The following PTPRT variants were observed in gnomAD, a reference collection of about 807,000 sequenced individuals.
The protein encoded by PTPRT is receptor-type tyrosine-protein phosphatase T.
In PTPRT, 56 loss-of-function variants were observed where a neutral mutation model predicts 176.8. The ratio of observed to expected loss-of-function variants is 0.32; its 90% confidence interval spans 0.26 to 0.40. The LOEUF is 0.40. Among genes scored for constraint, PTPRT ranks in the 10% least tolerant of loss-of-function variants. The pLI, the probability that PTPRT is intolerant of heterozygous loss-of-function variation, is 1.00. For missense variants in PTPRT, 1,540 were observed against 1,908.2 expected (o/e 0.81, Z 3.60); for synonymous variants, 783 against 739.0 (o/e 1.06, Z -0.96).
intron 9 of PTPRT, among the ~76,000 whole-genome samples, chr20:42,362,172 T>C (rs6030166): frequency 0.81 from 123,031 of 152,126 alleles, 50,663 homozygotes; most frequent in African/African-American, 0.95. Flanking sequence ...AGGCTGAGGC[T>C]GGGAGGATTG....
intron 15 of PTPRT, among the ~76,000 whole-genome samples, chr20:42,199,817 A>G (rs1991378620): frequency 6.6e-6 from 1 of 152,044 alleles, no homozygotes; most frequent in Non-Finnish European, 1.5e-5. Context: ...TCAAAAACCT[A>G]CCAAATAATA....
intron 7 of PTPRT, among the ~76,000 whole-genome samples, chr20:42,558,207 T>G (rs185313505): frequency 6.6e-6 from 1 of 152,250 alleles, no homozygotes; most frequent in East Asian, 1.9e-4. Context: ...GTTCTCATCA[T>G]TTACCTCCCA....
intron 7 of PTPRT, among the ~76,000 whole-genome samples, chr20:42,507,652 T>C (rs1390180949): frequency 6.6e-6 from 1 of 152,084 alleles, no homozygotes; most frequent in African/African-American, 2.4e-5. Context: ...TCTTAACAAA[T>C]ATTAGTTCAA....
intron 1 of PTPRT, among the ~76,000 whole-genome samples, chr20:43,145,294 T>C (rs1218245922): frequency 6.6e-6 from 1 of 152,240 alleles, no homozygotes; most frequent in Non-Finnish European, 1.5e-5. Flanking sequence ...AAGTAGATTA[T>C]TGAAGGTTTC....
intron 1 of PTPRT, among the ~76,000 whole-genome samples, chr20:43,188,628 C>A (rs1361189743): frequency 6.6e-6 from 1 of 152,218 alleles, no homozygotes; most frequent in African/African-American, 2.4e-5. Flanking sequence ...TCCCCGCAAT[C>A]CCAGCCACCT....
intron 7 of PTPRT, among the ~76,000 whole-genome samples, chr20:42,571,301 A>G (rs2073148669): frequency 6.6e-6 from 1 of 152,342 alleles, no homozygotes; most frequent in South Asian, 2.1e-4. Context: ...GGAAAGAAGG[A>G]TAGAGAAGAG....
At chr20:42,332,398 G>C (rs574956153) in intron 11 of PTPRT, among the ~76,000 whole-genome samples, 144 of 151,962 alleles carry the variant, frequency 9.5e-4, no homozygotes, top group Non-Finnish European at 1.9e-3. Context: ...TTTTAGTAGA[G>C]ACAGGGTTTT....
At chr20:42,278,098 TATATATATATATATATATA>T (rs2057076232) in intron 13 of PTPRT, among the ~76,000 whole-genome samples, 1 of 58,874 alleles carries the variant, frequency 1.7e-5, no homozygotes, top group Admixed American at 1.6e-4. Context: ...TATATATATA[TATATATATATATATATATA>T]TATATATATA....
chr20:42,874,553 T>C (rs208201), intron 2 of PTPRT, among the ~76,000 whole-genome samples: 39,616 of 152,122 alleles, frequency 0.26, 5,265 homozygotes, highest in African/African-American at 0.31. Flanking sequence ...ACACATACAT[T>C]TTAAAATCAC....
At chr20:43,080,121 A>G (rs2011398565) in intron 1 of PTPRT, among the ~76,000 whole-genome samples, 1 of 152,190 alleles carries the variant, frequency 6.6e-6, no homozygotes, top group Non-Finnish European at 1.5e-5. Context: ...GAGCCACTAC[A>G]CTGACATCAG....
chr20:42,801,176 G>C (rs568925122), intron 2 of PTPRT, among the ~76,000 whole-genome samples: 1 of 152,182 alleles, frequency 6.6e-6, no homozygotes, highest in Non-Finnish European at 1.5e-5. Flanking sequence ...CGTGTGTGCT[G>C]CCCAGATGCC....
chr20:42,741,339 CTG>C (rs1212743226), intron 6 of PTPRT, among the ~76,000 whole-genome samples: 1 of 152,032 alleles, frequency 6.6e-6, no homozygotes, highest in Non-Finnish European at 1.5e-5. Context: ...TATCCATGAG[CTG>C]TCTTTTCTGT....
At chr20:43,117,209 A>G (rs1289137574) in intron 1 of PTPRT, among the ~76,000 whole-genome samples, 1 of 152,188 alleles carries the variant, frequency 6.6e-6, no homozygotes, top group Non-Finnish European at 1.5e-5. Flanking sequence ...AATGGGTGGT[A>G]AAAACATGCT....
intron 2 of PTPRT, among the ~76,000 whole-genome samples, chr20:42,823,859 T>G (rs2077945096): frequency 6.6e-6 from 1 of 151,814 alleles, no homozygotes; most frequent in African/African-American, 2.4e-5. Context: ...ATGATATGAT[T>G]GAATACCTAA....
chr20:43,149,509 A>G (rs1291175020), intron 1 of PTPRT, among the ~76,000 whole-genome samples: 1 of 152,234 alleles, frequency 6.6e-6, no homozygotes, highest in East Asian at 1.9e-4. Flanking sequence ...TGGGTGAGGA[A>G]CAGCCTATTT....
At chr20:42,503,398 A>C (rs1161786025) in intron 7 of PTPRT, among the ~76,000 whole-genome samples, 2 of 152,072 alleles carry the variant, frequency 1.3e-5, no homozygotes, top group African/African-American at 2.4e-5. Flanking sequence ...AATTCTAAAT[A>C]GCTTATCTGT....
chr20:42,165,786 GGAAA>G (rs1284546182), intron 16 of PTPRT, among the ~76,000 whole-genome samples: 1 of 152,134 alleles, frequency 6.6e-6, no homozygotes, highest in Non-Finnish European at 1.5e-5. Flanking sequence ...AAAGAGATAG[GGAAA>G]GAAAGAGAGT....
At chr20:42,370,461 A>G (rs1439476895) in intron 9 of PTPRT, among the ~76,000 whole-genome samples, 3 of 152,008 alleles carry the variant, frequency 2.0e-5, no homozygotes, top group African/African-American at 4.8e-5. Context: ...TCCTTGCTAC[A>G]CTCAAGAACG....
chr20:43,151,366 G>A (rs1432726299), intron 1 of PTPRT, among the ~76,000 whole-genome samples: 3 of 132,440 alleles, frequency 2.3e-5, no homozygotes, highest in East Asian at 4.4e-4. Context: ...GGAACAGAAA[G>A]CTTCTAATAA....
Sources: gnomAD v4.1 joint callset for allele counts (sites outside exome capture counted in the v4.1 genomes callset) on GRCh38, gnomAD v4.1.1 for gene constraint, MANE v1.5 for transcripts, NCBI Gene and HGNC (gene_info 2026-07-23, HGNC 2026-07-21) for gene names.